NFKB1: variants seen among roughly 807,000 people sequenced by gnomAD.
The protein encoded by NFKB1 is nuclear factor NF-kappa-B p105 subunit.
In NFKB1, 9 loss-of-function variants were observed where a neutral mutation model predicts 105.1. That is an observed-to-expected ratio of 0.09 (90% CI 0.05 to 0.15). The LOEUF (loss-of-function observed/expected upper bound fraction) is 0.15, where lower values mean the gene tolerates loss of function less well. Among genes scored for constraint, NFKB1 ranks in the 10% least tolerant of loss-of-function variants. The pLI is 1.00. For missense variants in NFKB1, 830 were observed against 1,203.7 expected (o/e 0.69, Z 4.59); for synonymous variants, 440 against 442.2 (o/e 1.00, Z 0.06).
chr4:102,579,760 A>G (rs1157996805), intron 8 of NFKB1, among the ~76,000 whole-genome samples: 1 of 151,700 alleles, frequency 6.6e-6, no homozygotes, highest in Non-Finnish European at 1.5e-5. Context: ...GATTATGCAT[A>G]GGATTGATTA....
intron 17 of NFKB1, among the ~76,000 whole-genome samples, 191 bp from the exon 18 acceptor site, chr4:102,606,959 A>G (rs1727805946): frequency 6.6e-6 from 1 of 152,208 alleles, no homozygotes; most frequent in African/African-American, 2.4e-5. Context: ...TATTCAGAGA[A>G]TGTTTATTTA....
chr4:102,551,131 A>G (rs544433300), intron 5 of NFKB1, among the ~76,000 whole-genome samples: 81 of 152,206 alleles, frequency 5.3e-4, no homozygotes, highest in African/African-American at 1.9e-3. Context: ...TGGCCTTCCT[A>G]CCTTCCTTAC....
intron 19 of NFKB1, among the ~76,000 whole-genome samples, 163 bp downstream of exon 19, chr4:102,607,914 C>T (rs528201190): frequency 6.6e-6 from 1 of 152,284 alleles, no homozygotes; most frequent in Non-Finnish European, 1.5e-5. Context: ...TGCCATAAGG[C>T]ACTGTTTGGA....
intron 1 of NFKB1, among the ~76,000 whole-genome samples, chr4:102,502,390 G>GCACACACACACACACACACA (rs754187388): frequency 9.5e-5 from 10 of 105,390 alleles, no homozygotes; most frequent in African/African-American, 3.8e-4. Flanking sequence ...GCGCGCGCGC[G>GCACACACACACACACACACA]CACACACACA....
intron 7 of NFKB1, chr4:102,578,013 A>G (rs1251844688): frequency 7.1e-6 from 7 of 984,888 alleles, no homozygotes; most frequent in Non-Finnish European, 7.2e-6. Context: ...AGCTGGCCTC[A>G]GGCTGCATTT....
chr4:102,513,239 A>G (rs1160560875), intron 1 of NFKB1, among the ~76,000 whole-genome samples: 2 of 152,194 alleles, frequency 1.3e-5, no homozygotes, highest in Non-Finnish European at 2.9e-5. Context: ...AGCAGTTTTT[A>G]TGTGGAAATG....
At chr4:102,609,777 C>G (rs1477526835) in intron 19 of NFKB1, among the ~76,000 whole-genome samples, 2 of 152,146 alleles carry the variant, frequency 1.3e-5, no homozygotes, top group Non-Finnish European at 2.9e-5. Flanking sequence ...GAAGATCCTT[C>G]TTTGTTTCCC....
chr4:102,592,707 C>T (rs932583912), intron 11 of NFKB1, among the ~76,000 whole-genome samples: 4 of 152,176 alleles, frequency 2.6e-5, no homozygotes, highest in African/African-American at 9.6e-5. Flanking sequence ...TTCAATATCT[C>T]AGAGGCATGC....
chr4:102,540,662 G>A (rs4648009), intron 5 of NFKB1, among the ~76,000 whole-genome samples: 1 of 152,042 alleles, frequency 6.6e-6, no homozygotes, highest in Non-Finnish European at 1.5e-5. Flanking sequence ...GCTTGTCATT[G>A]TTCACTGAAA....
At position 102,613,726 on chromosome 4, in the gene NFKB1, C is replaced by G. The variant is rs1728667712; in HGVS notation, c.2749+145C>G. On this transcript the variant is annotated intron_variant, in intron 23 of 23. Transcript: ENST00000226574. ...TGTGTCTCTCTACCCCCTGGGCTCACCCTCTGCCTCTCTTGATAGTACCAT... is the reference window on the plus strand; with the variant it reads ...TGTGTCTCTCTACCCCCTGGGCTCAGCCTCTGCCTCTCTTGATAGTACCAT... 4 of 953,508 alleles carry G rather than the reference C, an allele frequency of 4.2e-6. No individual in the cohort carries two copies. In the South Asian group the frequency reaches 7.0e-5, roughly 17 times the overall value. 59.1% of individuals were successfully genotyped at this position (953,508 alleles called of 1,614,324 possible). A position where few individuals can be genotyped will look rare whatever the true frequency, so the allele number is the denominator to read the frequency against.
At chr4:102,593,093 G>A (rs1454129324) in intron 11 of NFKB1, among the ~76,000 whole-genome samples, 1 of 152,070 alleles carries the variant, frequency 6.6e-6, no homozygotes, top group Non-Finnish European at 1.5e-5. Context: ...CAAGCAAAAG[G>A]GTCAATAATT....
At chr4:102,611,753 T>G (rs1400424134) in intron 20 of NFKB1, among the ~76,000 whole-genome samples, 1 of 152,218 alleles carries the variant, frequency 6.6e-6, no homozygotes, top group Non-Finnish European at 1.5e-5. Context: ...GGACTGCCTG[T>G]TCCTTCCAAA....
At chr4:102,516,139 A>G (rs1468548794) in intron 1 of NFKB1, among the ~76,000 whole-genome samples, 3 of 151,672 alleles carry the variant, frequency 2.0e-5, no homozygotes, top group Non-Finnish European at 1.5e-5. Flanking sequence ...GTTCCCCCAT[A>G]TATAATATGT....
intron 13 of NFKB1, among the ~76,000 whole-genome samples, 166 bp from the exon 14 acceptor site, chr4:102,595,972 A>T (rs957540482): frequency 6.6e-6 from 1 of 152,246 alleles, no homozygotes; most frequent in African/African-American, 2.4e-5. Context: ...TCTCCAAAAC[A>T]TGGTATTTAT....
At chr4:102,588,731 T>C (rs892530326) in intron 11 of NFKB1, among the ~76,000 whole-genome samples, 1 of 152,194 alleles carries the variant, frequency 6.6e-6, no homozygotes, top group African/African-American at 2.4e-5. Flanking sequence ...CTGGTTATTA[T>C]TATACAAAGC....
Position 102,553,618 on chromosome 4 carries a change from G to C in NFKB1, c.259-13369G>C, listed in dbSNP as rs547212394. ...ATTAGGATTTTTAAAAAATCTCTTA[G>C]ATTAAAATTTCTCAGTGTATCTTTG... On this transcript the variant is annotated intron_variant, in intron 5 of 23. Transcript: ENST00000226574. Among the ~76,000 whole-genome samples, 4 of 152,162 alleles carry C rather than the reference G, an allele frequency of 2.6e-5. No homozygotes were observed. The South Asian group carries it at 6.2e-4, about 24-fold the overall frequency.
intron 6 of NFKB1, among the ~76,000 whole-genome samples, chr4:102,575,585 C>A (rs1052871980): frequency 6.6e-6 from 1 of 152,112 alleles, no homozygotes; most frequent in African/African-American, 2.4e-5. Context: ...TTGAAAACAC[C>A]GGCGTGGTCC....
chr4:102,530,874 G>A (rs561367847), intron 3 of NFKB1, among the ~76,000 whole-genome samples: 3 of 152,226 alleles, frequency 2.0e-5, no homozygotes, highest in South Asian at 4.1e-4. Flanking sequence ...ACCTTCACTA[G>A]TAAAGGTGTA....
intron 5 of NFKB1, chr4:102,557,059 T>G (rs543816578): frequency 6.6e-6 from 1 of 152,314 alleles, no homozygotes; most frequent in Admixed American, 6.5e-5. Flanking sequence ...CATGTTTCTC[T>G]GAATTAGGAG....
Sources: gnomAD v4.1 joint callset for allele counts (sites outside exome capture counted in the v4.1 genomes callset) on GRCh38, gnomAD v4.1.1 for gene constraint, MANE v1.5 for transcripts, NCBI Gene and HGNC (gene_info 2026-07-23, HGNC 2026-07-21) for gene names.